SORBS3: variants seen among roughly 807,000 people sequenced by gnomAD.
SORBS3 encodes sorbin and SH3 domain containing 3.
SORBS3 carries 69 observed loss-of-function variants against 98.0 expected under a neutral mutation model. The observed-to-expected ratio is 0.70, with a 90% CI of 0.58 to 0.86. The LOEUF is 0.86. SORBS3 is among the 40% of genes least tolerant of loss of function. The probability of loss-of-function intolerance (pLI) is 0.00; values close to 1 mark genes in which losing one functional copy is unlikely to be tolerated. For synonymous variants in SORBS3, 394 were observed against 355.4 expected (o/e 1.11, Z -1.22); for missense variants, 954 against 908.5 (o/e 1.05, Z -0.64).
intron 11 of SORBS3, 29 bp downstream of exon 11, chr8:22,565,383 G>A: frequency 4.6e-6 from 7 of 1,510,200 alleles, no homozygotes; most frequent in Non-Finnish European, 6.2e-6. Flanking sequence ...CACCCGCGGG[G>A]CACGCCGGCG....
intron 9 of SORBS3, 44 bp downstream of exon 9, chr8:22,564,413 G>A (rs915674619): frequency 6.2e-7 from 1 of 1,613,664 alleles, no homozygotes; most frequent in Non-Finnish European, 8.5e-7. Context: ...ACCCTCAGCT[G>A]ATACATTTTG....
At chr8:22,565,711 C>G in intron 11 of SORBS3, 115 bp from the exon 12 acceptor site, 1 of 1,232,466 alleles carries the variant, frequency 8.1e-7, no homozygotes, top group Non-Finnish European at 1.0e-6. Flanking sequence ...TCTAGGACCC[C>G]GCGTCCCGCC....
At chr8:22,560,250 C>G (rs758945890) in intron 5 of SORBS3, among the ~76,000 whole-genome samples, 19 of 151,956 alleles carry the variant, frequency 1.3e-4, no homozygotes, top group Non-Finnish European at 7.4e-5. Context: ...CTGAGGAGTT[C>G]AATTCAATTC....
intron 5 of SORBS3, among the ~76,000 whole-genome samples, chr8:22,559,291 A>G (rs1263766298): frequency 6.6e-6 from 1 of 152,222 alleles, no homozygotes; most frequent in Non-Finnish European, 1.5e-5. Flanking sequence ...CACTGCAGTC[A>G]CTGGAATTTG....
chr8:22,561,762 G>T, intron 6 of SORBS3, 103 bp from the exon 7 acceptor site: 1 of 1,032,658 alleles, frequency 9.7e-7, no homozygotes, highest in East Asian at 2.4e-5. Flanking sequence ...CAGGAGCAAG[G>T]GGGTGGTGCT....
chr8:22,565,650 GC>G (rs1840393613), intron 11 of SORBS3, 175 bp from the exon 12 acceptor site: 1 of 1,051,646 alleles, frequency 9.5e-7, no homozygotes, highest in East Asian at 3.6e-5. Flanking sequence ...GGGGACCCCC[GC>G]CCCTTCCCCT....
chr8:22,565,045 C>T, intron 10 of SORBS3: 1 of 1,409,440 alleles, frequency 7.1e-7, no homozygotes, highest in Non-Finnish European at 9.2e-7. Flanking sequence ...TCAGGAAGCG[C>T]GTAGGCACTC....
Position 22,566,729 on chromosome 8 carries a change from G to GGC in SORBS3, c.1143+17_1143+18insCG. ...AGAGAAGAAGGTAAGGAGGGGACCA[G>GGC]GTGTGGGGGACCTGGAGTGGTCCCA... On this transcript the variant is annotated intron_variant, in intron 14 of 20. Coordinates refer to ENST00000240123, the MANE Select transcript of SORBS3 (RefSeq NM_005775.5). 1 of 1,613,762 alleles carries GGC rather than the reference G, an allele frequency of 6.2e-7. No individual in the cohort carries two copies. The highest frequency in any genetic ancestry group is 8.5e-7 in the Non-Finnish European group (1 of 1,179,816).
chr8:22,554,478 G>C lies in SORBS3; in HGVS notation c.-29G>C. 1 of 1,601,998 alleles carries C rather than the reference G, an allele frequency of 6.2e-7. No homozygotes were observed. The highest frequency in any genetic ancestry group is 8.5e-7 in the Non-Finnish European group (1 of 1,176,814). ...GGACACGCAGAGGAGCAGCTGGCTT[G>C]CCCGGAGTCCTCCCACCTTGACCCA... On this transcript the variant is annotated 5_prime_UTR_variant, in exon 2 of 21. Transcript: ENST00000240123. This position sits in a 1 kb window ranked among gnomAD's most constrained non-coding sequence, Gnocchi z 6.5.
upstream of SORBS3, among the ~76,000 whole-genome samples, chr8:22,548,554 C>CA (rs1471825109): frequency 1.3e-5 from 2 of 152,232 alleles, no homozygotes; most frequent in Admixed American, 6.5e-5. Context: ...CAAAACCCCC[C>CA]AAAAAATCTA....
chr8:22,569,145 C>G lies in SORBS3; in HGVS notation c.1306-3C>G, dbSNP rs780135163. On this transcript the variant is annotated splice_region_variant and splice_polypyrimidine_tract_variant and intron_variant, in intron 16 of 20. Transcript: ENST00000240123. ...ATCTTTCTCATGACCTTTCTTCATG[C>G]AGGTGCTGCCCGCAGATGAGATCCC... 1.2e-6 allele frequency: 2 copies of G among 1,601,946 alleles called. No homozygotes were observed. The highest frequency in any genetic ancestry group is 3.4e-5 in the Admixed American group (2 of 58,460).
At chr8:22,559,748 C>T (rs1170200730) in intron 5 of SORBS3, among the ~76,000 whole-genome samples, 1 of 151,078 alleles carries the variant, frequency 6.6e-6, no homozygotes, top group Non-Finnish European at 1.5e-5. Context: ...GTTTTAGACA[C>T]ATGTTCCCTC....
At position 22,572,257 on chromosome 8, in the gene SORBS3, C is replaced by G. The variant is rs1377859065; in HGVS notation, c.1848-83C>G. On this transcript the variant is annotated intron_variant, in intron 19 of 20. Coordinates refer to ENST00000240123, the MANE Select transcript of SORBS3 (RefSeq NM_005775.5). ...GGGGCTAGTGAGAGCATGAAGGGACCCTGGGGCATTCACAGGAAGCGGCAA... is the reference window on the plus strand; with the variant it reads ...GGGGCTAGTGAGAGCATGAAGGGACGCTGGGGCATTCACAGGAAGCGGCAA... The G allele has an allele frequency of 4.5e-6, 5 of 1,118,126 alleles. No individual in the cohort carries two copies. In the East Asian group the frequency reaches 1.2e-4, roughly 26 times the overall value. The allele number at this position is 1,118,126 out of a possible 1,614,324, so 69.3% of individuals were successfully genotyped here.
upstream of SORBS3, among the ~76,000 whole-genome samples, chr8:22,549,107 G>A (rs1840046674): frequency 2.0e-5 from 3 of 152,220 alleles, no homozygotes; most frequent in Admixed American, 6.5e-5. Flanking sequence ...TGGGAAAACA[G>A]GGCAGTTATG....
intron 5 of SORBS3, among the ~76,000 whole-genome samples, chr8:22,558,493 G>A (rs1465113020): frequency 1.3e-5 from 2 of 152,224 alleles, no homozygotes; most frequent in Non-Finnish European, 2.9e-5. Context: ...AAGCTGGAAT[G>A]CCACTGTTAG....
chr8:22,563,895 C>A, intron 7 of SORBS3, 92 bp from the exon 8 acceptor site: 1 of 947,212 alleles, frequency 1.1e-6, no homozygotes, highest in Non-Finnish European at 1.7e-6. Flanking sequence ...GACCCCACAG[C>A]AGGGACAAGG....
chr8:22,557,743 T>C (rs891233760), intron 4 of SORBS3, among the ~76,000 whole-genome samples: 8 of 152,086 alleles, frequency 5.3e-5, no homozygotes, highest in African/African-American at 1.9e-4. Context: ...AGCCCAGGAA[T>C]TGGAGGCTGC....
At position 22,569,169 on chromosome 8, in the gene SORBS3, C is replaced by T; in HGVS notation, c.1327C>T (p.Pro443Ser). 1 of 1,610,348 alleles carries T rather than the reference C, an allele frequency of 6.2e-7. No individual in the cohort carries two copies. Among genetic ancestry groups the T allele is most frequent in the African/African-American group, 1.3e-5 (1 of 74,804 alleles). ...GCAGGTGCTGCCCGCAGATGAGATC[C>T]CTAAGCCCATCAAGCCCCCGACCTA... ...YVEVLPADEI[P>S]KPIKPPTYQV... The change falls in exon 17 of 21, where the codon CCT becomes TCT. Residue 443 changes from proline to serine, a missense_variant. Physicochemically the swap from Pro to Ser is moderately conservative, Grantham distance 74. Transcript: ENST00000240123.
Position 22,554,807 on chromosome 8 carries a change from T to TACCAA in SORBS3, c.103-56_103-55insACCAA. ...GGGTGTGGGCTGTGCCTAGTAGCCA[T>TACCAA]CCCTCCCTCCCGCCCTGCTGGGCCC... On this transcript the variant is annotated intron_variant, in intron 2 of 20. Transcript: ENST00000240123. This position sits in a 1 kb window ranked among gnomAD's most constrained non-coding sequence, Gnocchi z 6.5. 2.1e-6 allele frequency: 3 copies of TACCAA among 1,428,604 alleles called. No homozygotes were observed. The highest frequency in any genetic ancestry group is 2.9e-6 in the Non-Finnish European group (3 of 1,020,750). The allele number at this position is 1,428,604 out of a possible 1,614,324, so 88.5% of individuals were successfully genotyped here. A position where few individuals can be genotyped will look rare whatever the true frequency, so the allele number is the denominator to read the frequency against.
Sources: gnomAD v4.1 joint callset for allele counts (sites outside exome capture counted in the v4.1 genomes callset) on GRCh38, gnomAD v4.1.1 for gene constraint, Gnocchi (gnomAD v3.1) non-coding constraint, MANE v1.5 for transcripts, NCBI Gene and HGNC (gene_info 2026-07-23, HGNC 2026-07-21) for gene names.